The following P2RY2 variants were observed in gnomAD, a reference collection of about 807,000 sequenced individuals.
P2RY2 encodes purinergic receptor P2Y2.
For missense variants in P2RY2, 567 were observed against 515.7 expected (o/e 1.10, Z -0.96); for synonymous variants, 241 against 231.9 (o/e 1.04, Z -0.35).
chr11:73,222,277 G>T (rs1009551651), intron 1 of P2RY2, among the ~76,000 whole-genome samples: 1 of 152,080 alleles, frequency 6.6e-6, no homozygotes, highest in Non-Finnish European at 1.5e-5. Flanking sequence ...CCCAGCCCTG[G>T]CTTGTAGGAG....
In P2RY2 at chr11:73,234,591, G is replaced by A. The variant is rs201556962; in HGVS notation, c.432G>A (p.Trp144Ter). ...TACGACCTCTGCGCTCCCTGCGCTGGGGCCGGGCCCGCTACGCTCGCCGGG... is the reference window on the plus strand; with the variant it reads ...TACGACCTCTGCGCTCCCTGCGCTGAGGCCGGGCCCGCTACGCTCGCCGGG... ...GVLRPLRSLRWGRARYARRVA... is the reference protein window; with the variant it reads ...GVLRPLRSLR Residue 144 changes from tryptophan to a stop codon, truncating the protein, a stop_gained, in exon 3 of 3, where the codon TGG (tryptophan) becomes TGA (stop). Coordinates refer to ENST00000393597, the MANE Select transcript of P2RY2 (RefSeq NM_002564.4). LOFTEE classifies it low-confidence loss of function (END_TRUNC). 1 of 1,570,160 alleles carries A rather than the reference G, an allele frequency of 6.4e-7. No homozygotes were observed. The highest frequency in any genetic ancestry group is 8.6e-7 in the Non-Finnish European group (1 of 1,157,334).
chr11:73,234,621 CG>C lies in P2RY2; in HGVS notation c.466del (p.Ala156ProfsTer26). 2 of 1,567,898 alleles carry C rather than the reference CG, an allele frequency of 1.3e-6. No individual in the cohort carries two copies. The highest frequency in any genetic ancestry group is 1.2e-5 in the South Asian group (1 of 82,798). Reference sequence around the variant, plus strand: ...GGGCCCGCTACGCTCGCCGGGTGGCCGGGGCCGTGTGGGTGTTGGTGCTGGC... The same window carrying C: ...GGGCCCGCTACGCTCGCCGGGTGGCCGGGCCGTGTGGGTGTTGGTGCTGGC... ...GRARYARRVA[G>X]AVWVLVLACQ... On this transcript the variant is annotated frameshift_variant, in exon 3 of 3. Coordinates refer to ENST00000393597, the MANE Select transcript of P2RY2 (RefSeq NM_002564.4). LOFTEE classifies it low-confidence loss of function (END_TRUNC).
At position 73,234,688 on chromosome 11, in the gene P2RY2, C is replaced by T. The variant is rs1215781979; in HGVS notation, c.529C>T (p.Arg177Cys). ...GCTCTACTTTGTCACCACCAGCGCG[C>T]GCGGGGGCCGCGTAACCTGCCACGA... Reference protein sequence around the residue: ...PVLYFVTTSARGGRVTCHDTS... With the variant: ...PVLYFVTTSACGGRVTCHDTS... The change falls in exon 3 of 3, where the codon CGC (arginine) becomes TGC (cysteine). Residue 177 changes from arginine to cysteine, a missense_variant. Physicochemically the swap from Arg to Cys is radical, Grantham distance 180 (BLOSUM62 -3). Transcript: ENST00000393597. The T allele has an allele frequency of 2.5e-6, 4 of 1,602,956 alleles. No homozygotes were observed. The highest frequency in any genetic ancestry group is 2.7e-5 in the African/African-American group (2 of 74,970).
Position 73,240,520 on chromosome 11 carries a change from C to A in P2RY2, c.*5227C>A, listed in dbSNP as rs964726476. On this transcript the variant is annotated 3_prime_UTR_variant, in exon 3 of 3. Transcript: ENST00000393597. ...CATCACGTGAGACTCCTGGGAGACA[C>A]AACCAGTTGGAATGAGTTTTCCCTC... The A allele has an allele frequency of 6.6e-6, 1 of 152,244 alleles. No homozygotes were observed. The highest frequency in any genetic ancestry group is 1.5e-5 in the Non-Finnish European group (1 of 68,080). 9.4% of individuals were successfully genotyped at this position (152,244 alleles called of 1,614,324 possible).
In P2RY2 at chr11:73,236,954, A is replaced by G; in HGVS notation, c.*1661A>G. 2.0e-6 allele frequency: 2 copies of G among 983,218 alleles called. No individual in the cohort carries two copies. Among genetic ancestry groups the G allele is most frequent in the Non-Finnish European group, 2.4e-6 (2 of 829,312 alleles). The allele number at this position is 983,218 out of a possible 1,614,324, so 60.9% of individuals were successfully genotyped here. ...CTCACTCTTGATCTCAAGGACAGGG[A>G]CTCCCTCCTCTCCCTCTGGGAGAGC... On this transcript the variant is annotated 3_prime_UTR_variant, in exon 3 of 3. Transcript: ENST00000393597.
chr11:73,234,484 G>T lies in P2RY2; in HGVS notation c.325G>T (p.Val109Leu), dbSNP rs769906515. The change falls in exon 3 of 3, where the codon GTG becomes TTG. Residue 109 changes from valine to leucine, a missense_variant. By Grantham distance (32) the Val-to-Leu change is conservative. Coordinates refer to ENST00000393597, the MANE Select transcript of P2RY2 (RefSeq NM_002564.4). Reference sequence around the variant, plus strand: ...CTTCAGCACGGTGCTCTGCAAGCTGGTGCGCTTCCTCTTCTACACCAACCT... The same window carrying T: ...CTTCAGCACGGTGCTCTGCAAGCTGTTGCGCTTCCTCTTCTACACCAACCT... ...WPFSTVLCKL[V>L]RFLFYTNLYC... The T allele has an allele frequency of 3.1e-6, 5 of 1,614,004 alleles. No individual in the cohort carries two copies. The highest frequency in any genetic ancestry group is 3.4e-6 in the Non-Finnish European group (4 of 1,180,018).
rs189139891 is a variant in P2RY2 at position 73,236,263 on chromosome 11, C to G, written c.*970C>G. The G allele has an allele frequency of 8.9e-5, 74 of 827,388 alleles. No homozygotes were observed. The African/African-American group carries it at 1.3e-3, about 14-fold the overall frequency. The allele number at this position is 827,388 out of a possible 1,614,324, so 51.3% of individuals were successfully genotyped here. A position where few individuals can be genotyped will look rare whatever the true frequency, so the allele number is the denominator to read the frequency against. The stretch of plus-strand genomic sequence containing the variant: ...CTGGAGCTCCGATTTAACTGGGAAC[C>G]CCTTCTTTGTAGAACTGCCCATTTC... On this transcript the variant is annotated 3_prime_UTR_variant, in exon 3 of 3. Transcript: ENST00000393597.
rs1862637874 is a variant in P2RY2 at position 73,235,826 on chromosome 11, C to T, written c.*533C>T. The stretch of plus-strand genomic sequence containing the variant: ...TTAGCTCTGAGGAGTACCCCCAGCC[C>T]AAGAGATGAACATCTGGGGACTAAT... On this transcript the variant is annotated 3_prime_UTR_variant, in exon 3 of 3. Transcript: ENST00000393597. 1.0e-6 allele frequency: 1 copy of T among 1,000,744 alleles called. No individual in the cohort carries two copies. The highest frequency in any genetic ancestry group is 1.7e-5 in the African/African-American group (1 of 57,238). The allele number at this position is 1,000,744 out of a possible 1,614,324, so 62.0% of individuals were successfully genotyped here. A position where few individuals can be genotyped will look rare whatever the true frequency, so the allele number is the denominator to read the frequency against.
intron 2 of P2RY2, among the ~76,000 whole-genome samples, chr11:73,230,159 G>T (rs1429967563): frequency 6.6e-6 from 1 of 151,992 alleles, no homozygotes; most frequent in Non-Finnish European, 1.5e-5. Context: ...GTGAGCCAGC[G>T]ACTCTCAGCT....
At position 73,239,316 on chromosome 11, in the gene P2RY2, T is replaced by A. The variant is rs148616646; in HGVS notation, c.*4023T>A. ...GAAGCAGGTCTGTCCTGGGGGAATG[T>A]GTGGGACCACCTCTGCCCTGCTTGG... On this transcript the variant is annotated 3_prime_UTR_variant, in exon 3 of 3. Transcript: ENST00000393597. 487 of 152,414 alleles carry A rather than the reference T, an allele frequency of 3.2e-3. No individual in the cohort carries two copies. Among genetic ancestry groups the A allele is most frequent in the Middle Eastern group, 6.8e-3 (2 of 294 alleles). 9.4% of individuals were successfully genotyped at this position (152,414 alleles called of 1,614,324 possible). A position where few individuals can be genotyped will look rare whatever the true frequency, so the allele number is the denominator to read the frequency against.
intron 2 of P2RY2, among the ~76,000 whole-genome samples, chr11:73,232,076 TA>T (rs1031746720): frequency 5.9e-5 from 9 of 151,808 alleles, no homozygotes; most frequent in Non-Finnish European, 1.2e-4. Context: ...AATAAACAAA[TA>T]AAATAAAATA....
In P2RY2 at chr11:73,242,160, G is replaced by C. The variant is rs978523550; in HGVS notation, c.*6867G>C. ...TTGTTTCCAGGTTTCTTTAGAAAGC[G>C]GGCTATTTTACCCCATGTGTCCTCA... On this transcript the variant is annotated 3_prime_UTR_variant, in exon 3 of 3. Coordinates refer to ENST00000393597, the MANE Select transcript of P2RY2 (RefSeq NM_002564.4). 2 of 152,118 alleles carry C rather than the reference G, an allele frequency of 1.3e-5. No individual in the cohort carries two copies. Among genetic ancestry groups the C allele is most frequent in the East Asian group, 1.9e-4 (1 of 5,186 alleles). 9.4% of individuals were successfully genotyped at this position (152,118 alleles called of 1,614,324 possible).
chr11:73,234,597 G>A lies in P2RY2; in HGVS notation c.438G>A (p.Arg146=), dbSNP rs753170007. The A allele has an allele frequency of 2.5e-6, 4 of 1,568,706 alleles. No individual in the cohort carries two copies. The East Asian group carries it at 6.7e-5, about 26-fold the overall frequency. The change falls in exon 3 of 3, where the codon CGG becomes CGA. Residue 146 remains arginine (R), a synonymous_variant. Transcript: ENST00000393597. ...CTCTGCGCTCCCTGCGCTGGGGCCG[G>A]GCCCGCTACGCTCGCCGGGTGGCCG... is the stretch of plus-strand genomic sequence containing the variant. ...LRPLRSLRWG[R]ARYARRVAGA... is the part of the protein sequence containing the mutation.
rs565528684 is a variant in P2RY2, at chr11:73,234,507, C to A, written c.348C>A (p.Asn116Lys). The change falls in exon 3 of 3, where the codon AAC (asparagine) becomes AAA (lysine). Residue 116 changes from asparagine to lysine, a missense_variant. Coordinates refer to ENST00000393597, the MANE Select transcript of P2RY2 (RefSeq NM_002564.4). ...CKLVRFLFYT[N>K]LYCSILFLTC... ...TGGTGCGCTTCCTCTTCTACACCAA[C>A]CTTTACTGCAGCATCCTCTTCCTCA... The A allele has an allele frequency of 1.2e-6, 2 of 1,613,220 alleles. No individual in the cohort carries two copies. Among genetic ancestry groups the A allele is most frequent in the Non-Finnish European group, 1.7e-6 (2 of 1,179,484 alleles).
Position 73,236,821 on chromosome 11 carries a change from A to T in P2RY2, c.*1528A>T. 1 of 985,370 alleles carries T rather than the reference A, an allele frequency of 1.0e-6. No individual in the cohort carries two copies. The highest frequency in any genetic ancestry group is 1.2e-6 in the Non-Finnish European group (1 of 829,904). 61.0% of individuals were successfully genotyped at this position (985,370 alleles called of 1,614,324 possible). Reference sequence around the variant, plus strand: ...AGTATGGGGGAGATGGGTCTCACCTATGATAGGTTCTGAGTCTAGCCAGGA... The same window carrying T: ...AGTATGGGGGAGATGGGTCTCACCTTTGATAGGTTCTGAGTCTAGCCAGGA... On this transcript the variant is annotated 3_prime_UTR_variant, in exon 3 of 3. Transcript: ENST00000393597.
intron 2 of P2RY2, among the ~76,000 whole-genome samples, 184 bp downstream of exon 2, chr11:73,228,359 G>A (rs933984483): frequency 6.6e-6 from 1 of 152,262 alleles, no homozygotes; most frequent in Non-Finnish European, 1.5e-5. Flanking sequence ...AGCTCTGGGT[G>A]TCAAGCCTAA....
intron 1 of P2RY2, chr11:73,218,633 G>C (rs1862031954): frequency 6.6e-6 from 1 of 152,258 alleles, no homozygotes; most frequent in Non-Finnish European, 1.5e-5. Context: ...GTTGAACTTT[G>C]TCTCCACGGG....
chr11:73,235,570 A>C lies in P2RY2; in HGVS notation c.*277A>C. Reference sequence around the variant, plus strand: ...CAATGACACCCCTGGCCTGACTCCCATGCAAGTAGCTGGCTGTACTGCCAA... The same window carrying C: ...CAATGACACCCCTGGCCTGACTCCCCTGCAAGTAGCTGGCTGTACTGCCAA... On this transcript the variant is annotated 3_prime_UTR_variant, in exon 3 of 3. Transcript: ENST00000393597. 2 of 1,157,932 alleles carry C rather than the reference A, an allele frequency of 1.7e-6. No homozygotes were observed. Among genetic ancestry groups the C allele is most frequent in the Non-Finnish European group, 2.1e-6 (2 of 932,110 alleles). The allele number at this position is 1,157,932 out of a possible 1,614,324, so 71.7% of individuals were successfully genotyped here. A position where few individuals can be genotyped will look rare whatever the true frequency, so the allele number is the denominator to read the frequency against.
At chr11:73,227,574 G>A (rs1005542472) in intron 1 of P2RY2, among the ~76,000 whole-genome samples, 4 of 152,172 alleles carry the variant, frequency 2.6e-5, no homozygotes, top group African/African-American at 9.7e-5. Flanking sequence ...ATTGGCAGAA[G>A]GGCAAAAGTG....
Sources: gnomAD v4.1 joint callset for allele counts (sites outside exome capture counted in the v4.1 genomes callset) on GRCh38, gnomAD v4.1.1 for gene constraint, MANE v1.5 for transcripts, NCBI Gene and HGNC (gene_info 2026-07-23, HGNC 2026-07-21) for gene names.